The following KHNYN variants were observed in gnomAD, a reference collection of about 807,000 sequenced individuals.
The protein encoded by KHNYN is KH and NYN domain containing.
A neutral mutation model predicts 62.7 loss-of-function variants in KHNYN; 42 were observed. That is an observed-to-expected ratio of 0.67 (90% confidence interval 0.52 to 0.87). The LOEUF (loss-of-function observed/expected upper bound fraction) is 0.87. Among genes scored for constraint, KHNYN ranks in the 40% least tolerant of loss-of-function variants. The pLI is 0.00. For missense variants in KHNYN, 829 were observed against 874.1 expected, an observed-to-expected ratio of 0.95 and a Z score of 0.65; for synonymous variants, 347 against 345.6, an observed-to-expected ratio of 1.00 and a Z score of -0.04.
Position 24,431,864 on chromosome 14 carries a change from G to A in KHNYN, c.603G>A (p.Gln201=). The A allele has an allele frequency of 1.2e-6, 2 of 1,614,072 alleles. No individual in the cohort carries two copies. Among genetic ancestry groups the A allele is most frequent in the Non-Finnish European group, 1.7e-6 (2 of 1,180,042 alleles). The change falls in exon 3 of 8, where the codon CAG becomes CAA. Residue 201 remains glutamine (Q), a synonymous_variant. Transcript: ENST00000553935. The part of the protein sequence containing the change: ...LSLVQEASSG[Q]GPGALASWEG... The stretch of plus-strand genomic sequence containing the variant: ...TGGTGCAGGAGGCGTCTAGTGGGCA[G>A]GGGCCAGGAGCACTGGCTTCTTGGG...
chr14:24,429,634 A>C (rs1422722955), upstream of KHNYN: 1 of 1,124,680 alleles, frequency 8.9e-7, no homozygotes. Flanking sequence ...TTTGGTGGAA[A>C]GTGCTTGGGC....
At chr14:24,428,617 G>A, upstream of KHNYN, 1 of 1,118,102 alleles carries the variant, frequency 8.9e-7, no homozygotes, top group Non-Finnish European at 1.3e-6. Context: ...TGGGGTGGTG[G>A]GGCAATAGGC....
upstream of KHNYN, chr14:24,427,820 C>G: frequency 6.2e-7 from 1 of 1,614,098 alleles, no homozygotes; most frequent in South Asian, 1.1e-5. This position sits in a 1 kb window ranked among gnomAD's most constrained non-coding sequence, Gnocchi z 4.4. Flanking sequence ...GCCAGAGAAA[C>G]TTGAGTATTT....
chr14:24,433,020 C>T lies in KHNYN; in HGVS notation c.1565C>T (p.Ser522Phe). 6.2e-7 allele frequency: 1 copy of T among 1,613,954 alleles called. No individual in the cohort carries two copies. Among genetic ancestry groups the T allele is most frequent in the Non-Finnish European group, 8.5e-7 (1 of 1,179,808 alleles). Residue 522 changes from serine to phenylalanine, a missense_variant, in exon 5 of 8, where the codon TCC (serine) becomes TTC (phenylalanine). By Grantham distance (155) the Ser-to-Phe change is radical. This residue lies in a region of KHNYN where 270 missense variants were observed against 347.1 expected (regional missense o/e 0.78). Transcript: ENST00000553935. ...SRVMDGKRIS[S>F]YDDRFMVKLA... ...GTCATGGATGGCAAGAGGATCTCCTCCTATGATGACAGGTACTTGCTCCTC... is the reference window on the plus strand; with the variant it reads ...GTCATGGATGGCAAGAGGATCTCCTTCTATGATGACAGGTACTTGCTCCTC...
chr14:24,430,546 G>C (rs539393974), intron 1 of KHNYN, 168 bp from the exon 2 acceptor site: 1 of 1,413,028 alleles, frequency 7.1e-7, no homozygotes, highest in East Asian at 2.6e-5. Flanking sequence ...AGAGGCCTGC[G>C]TGACATACAC....
chr14:24,430,818 C>G lies in KHNYN; in HGVS notation c.88C>G (p.His30Asp), dbSNP rs1389653865. Residue 30 changes from histidine (H) to aspartate (D), a missense_variant, in exon 2 of 8, where the codon CAT becomes GAT. Transcript: ENST00000553935. ...GAACAAGGTTCGGGAACAGCAGCCC[C>G]ATGTGGAGCGCATCTTCAGCGTGGG... ...AENKVREQQP[H>D]VERIFSVGVS... 6.2e-7 allele frequency: 1 copy of G among 1,612,674 alleles called. No individual in the cohort carries two copies. Among genetic ancestry groups the G allele is most frequent in the Non-Finnish European group, 8.5e-7 (1 of 1,179,448 alleles).
upstream of KHNYN, among the ~76,000 whole-genome samples, chr14:24,425,026 C>T (rs1428599035): frequency 6.6e-6 from 1 of 152,068 alleles, no homozygotes; most frequent in African/African-American, 2.4e-5. Flanking sequence ...ATGGCGAAAC[C>T]CCATCTTTAC....
chr14:24,432,086 G>C lies in KHNYN; in HGVS notation c.825G>C (p.Leu275Phe), dbSNP rs373728592. The change falls in exon 3 of 8, where the codon TTG becomes TTC. Residue 275 changes from leucine to phenylalanine, a missense_variant. Transcript: ENST00000553935. This position sits in a 1 kb window ranked among gnomAD's most constrained non-coding sequence, Gnocchi z 5.6. Reference sequence around the variant, plus strand: ...AGATGGATTGGGGGTGGAAGGAGTTGCCTGGGGAAGAGGCGTGGGAGAGAG... The same window carrying C: ...AGATGGATTGGGGGTGGAAGGAGTTCCCTGGGGAAGAGGCGTGGGAGAGAG... The part of the protein sequence containing the change: ...PREMDWGWKE[L>F]PGEEAWEREV... 5.8e-6 allele frequency: 9 copies of C among 1,562,902 alleles called. No individual in the cohort carries two copies. The highest frequency in any genetic ancestry group is 7.8e-6 in the Non-Finnish European group (9 of 1,153,058).
upstream of KHNYN, among the ~76,000 whole-genome samples, chr14:24,424,379 T>C (rs2043001152): frequency 6.6e-6 from 1 of 152,252 alleles, no homozygotes; most frequent in Non-Finnish European, 1.5e-5. Flanking sequence ...CCATACGTTT[T>C]CCATGCAGTG....
intron 2 of KHNYN, 72 bp from the exon 3 acceptor site, chr14:24,431,391 G>A (rs954582560): frequency 1.5e-5 from 19 of 1,258,662 alleles, no homozygotes; most frequent in Admixed American, 6.9e-5. Flanking sequence ...GCTCAGGAGC[G>A]AGCAAGGAGC....
chr14:24,429,571 C>A (rs1210440967), upstream of KHNYN: 3 of 547,596 alleles, frequency 5.5e-6, no homozygotes, highest in Admixed American at 3.3e-5. Flanking sequence ...GGGTACTCCA[C>A]CACGGGTACC....
chr14:24,440,646 C>T lies in KHNYN; in HGVS notation c.*3361C>T. 7.4e-7 allele frequency: 1 copy of T among 1,356,182 alleles called. No individual in the cohort carries two copies. The highest frequency in any genetic ancestry group is 2.0e-5 in the Admixed American group (1 of 49,910). The allele number at this position is 1,356,182 out of a possible 1,614,324, so 84.0% of individuals were successfully genotyped here. ...TATGGCTGTCTTTAAGACCTCACAC[C>T]TTCTCATCTGCAGGTTGGCTAGAAG... On this transcript the variant is annotated 3_prime_UTR_variant, in exon 8 of 8. Transcript: ENST00000553935.
Position 24,432,352 on chromosome 14 carries a change from C to A in KHNYN, c.1091C>A (p.Pro364Gln). ...AGGGTGCCCAGCCCTCCACCTGCAC[C>A]GGAACCCCCATGGCACTGTGGAGAC... The part of the protein sequence containing the change: ...PPRVPSPPPA[P>Q]EPPWHCGDRG... Residue 364 changes from proline to glutamine, a missense_variant, in exon 3 of 8, where the codon CCG becomes CAG. By Grantham distance (76) the Pro-to-Gln change is moderately conservative. Around this residue, in one of 2 missense-constraint regions of KHNYN, gnomAD observed 559 missense variants for 527.0 expected, o/e 1.06. Transcript: ENST00000553935. The surrounding 1 kb of genome is among the most constrained non-coding windows in gnomAD (Gnocchi z 5.6). The A allele has an allele frequency of 6.2e-7, 1 of 1,613,990 alleles. No individual in the cohort carries two copies. The highest frequency in any genetic ancestry group is 8.5e-7 in the Non-Finnish European group (1 of 1,179,986).
At position 24,430,907 on chromosome 14, in the gene KHNYN, C is replaced by T; in HGVS notation, c.177C>T (p.Pro59=). Residue 59 remains proline (P), a synonymous_variant, in exon 2 of 8, where the codon CCC becomes CCT. Coordinates refer to ENST00000553935, the MANE Select transcript of KHNYN (RefSeq NM_015299.3). ...ACATCTGGCTGCAGCTGGAGGGCCC[C>T]AAGGAAAACGCCAGCAGAGCCAAGG... is the stretch of plus-strand genomic sequence containing the variant. ...NPHIWLQLEG[P]KENASRAKEY... The T allele has an allele frequency of 6.2e-7, 1 of 1,613,450 alleles. No homozygotes were observed. The highest frequency in any genetic ancestry group is 1.1e-5 in the South Asian group (1 of 91,060).
chr14:24,430,661 A>C, intron 1 of KHNYN, 53 bp from the exon 2 acceptor site: 1 of 1,528,358 alleles, frequency 6.5e-7, no homozygotes, highest in Non-Finnish European at 8.8e-7. Context: ...CCCAGGAACC[A>C]GGATTTGGAT....
intron 7 of KHNYN, among the ~76,000 whole-genome samples, 162 bp from the exon 8 acceptor site, chr14:24,436,874 C>T (rs2043213330): frequency 6.6e-6 from 1 of 152,210 alleles, no homozygotes; most frequent in African/African-American, 2.4e-5. Context: ...ATCTTCCCTT[C>T]AGAAGTGGGT....
chr14:24,440,381 A>G lies in KHNYN; in HGVS notation c.*3096A>G, dbSNP rs767668074. 1 of 1,613,946 alleles carries G rather than the reference A, an allele frequency of 6.2e-7. No homozygotes were observed. The highest frequency in any genetic ancestry group is 8.5e-7 in the Non-Finnish European group (1 of 1,179,856). ...GGTCAGGATTCCTGCCAGGTCCCCGATGTGTATCCAGGGGAAGAATTGGTG... is the reference window on the plus strand; with the variant it reads ...GGTCAGGATTCCTGCCAGGTCCCCGGTGTGTATCCAGGGGAAGAATTGGTG... On this transcript the variant is annotated 3_prime_UTR_variant, in exon 8 of 8. Transcript: ENST00000553935.
At position 24,438,347 on chromosome 14, in the gene KHNYN, G is replaced by A. The variant is rs777937158; in HGVS notation, c.*1062G>A. The stretch of plus-strand genomic sequence containing the variant: ...TGCAATGACAATATTAATGTGATCC[G>A]ACCCTAACATTTTCTCTATGGAAGA... On this transcript the variant is annotated 3_prime_UTR_variant, in exon 8 of 8. Coordinates refer to ENST00000553935, the MANE Select transcript of KHNYN (RefSeq NM_015299.3). 6.6e-6 allele frequency: 1 copy of A among 152,576 alleles called. No homozygotes were observed. The highest frequency in any genetic ancestry group is 6.5e-5 in the Admixed American group (1 of 15,278). 9.5% of individuals were successfully genotyped at this position (152,576 alleles called of 1,614,324 possible). A position where few individuals can be genotyped will look rare whatever the true frequency, so the allele number is the denominator to read the frequency against.
chr14:24,437,209 A>G lies in KHNYN; in HGVS notation c.1961A>G (p.Asp654Gly). ...TTTTGGGGTCAGGATCACAAAGTGG[A>G]CTTCATCCTGCAGCGGGAGCCATAC... ...EVFWGQDHKV[D>G]FILQREPYCR... Residue 654 changes from aspartate to glycine, a missense_variant, in exon 8 of 8, where the codon GAC (aspartate) becomes GGC (glycine). Asp to Gly is a moderately conservative substitution (Grantham distance 94). Coordinates refer to ENST00000553935, the MANE Select transcript of KHNYN (RefSeq NM_015299.3). The surrounding 1 kb of genome is among the most constrained non-coding windows in gnomAD (Gnocchi z 5.5). 1 of 1,614,138 alleles carries G rather than the reference A, an allele frequency of 6.2e-7. No homozygotes were observed. Among genetic ancestry groups the G allele is most frequent in the Non-Finnish European group, 8.5e-7 (1 of 1,180,010 alleles).
Sources: allele counts gnomAD v4.1 joint callset (sites outside exome capture counted in the v4.1 genomes callset), GRCh38; gene constraint gnomAD v4.1.1; regional missense constraint gnomAD v4.1.1; non-coding constraint Gnocchi (gnomAD v3.1); transcripts MANE v1.5; gene names NCBI Gene and HGNC (gene_info 2026-07-23, HGNC 2026-07-21).